The following COQ8B variants were observed in gnomAD, a reference collection of about 807,000 sequenced individuals.
COQ8B encodes coenzyme Q8B.
A neutral mutation model predicts 62.0 loss-of-function variants in COQ8B; 44 were observed. The observed-to-expected ratio is 0.71, with a 90% CI of 0.56 to 0.91. The LOEUF (loss-of-function observed/expected upper bound fraction) is 0.91. Ranked by LOEUF, COQ8B falls within the 40% of genes least tolerant of loss-of-function variation. COQ8B has a pLI of 0.00. For missense variants in COQ8B, 649 were observed against 731.6 expected (o/e 0.89, Z 1.30); for synonymous variants, 252 against 289.9 (o/e 0.87, Z 1.33).
chr19:40,713,956 T>C, intron 4 of COQ8B, 111 bp downstream of exon 4: 2 of 1,193,544 alleles, frequency 1.7e-6, no homozygotes, highest in Non-Finnish European at 2.4e-6. Flanking sequence ...GTCTCTCTTT[T>C]TTTGTCTCTC....
chr19:40,696,116 G>C, intron 12 of COQ8B, 62 bp from the exon 13 acceptor site: 3 of 1,561,184 alleles, frequency 1.9e-6, no homozygotes, highest in Middle Eastern at 1.8e-4. Flanking sequence ...CTGTCTATTG[G>C]GGCAGCCAGG....
At chr19:40,712,411 A>AG (rs1307858311) in intron 4 of COQ8B, among the ~76,000 whole-genome samples, 3,045 of 141,846 alleles carry the variant, frequency 0.021, 107 homozygotes, top group African/African-American at 0.079. Context: ...TGTCTCCCTA[A>AG]GAAAAAAAAA....
In COQ8B at chr19:40,705,447, T is replaced by A. The variant is rs1434033268; in HGVS notation, c.368A>T (p.Glu123Val). The A allele has an allele frequency of 2.6e-6, 4 of 1,551,476 alleles. No homozygotes were observed. Among genetic ancestry groups the A allele is most frequent in the South Asian group, 2.4e-5 (2 of 83,760 alleles). Residue 123 changes from glutamate (E) to valine (V), a missense_variant and splice_region_variant, in exon 6 of 15, where the codon GAG (glutamate) becomes GTG (valine). Physicochemically the swap from Glu to Val is moderately radical, Grantham distance 121. Coordinates refer to ENST00000324464, the MANE Select transcript of COQ8B (RefSeq NM_024876.4). ...KSMPGGRLQS[E>V]GGSGLDSSPF... is the part of the protein sequence containing the mutation. Reference sequence around the variant, plus strand: ...GCTGGAGTCCAGCCCAGAACCACCCTCTGGGGAGAGAACAACCATTAGAAT... The same window carrying A: ...GCTGGAGTCCAGCCCAGAACCACCCACTGGGGAGAGAACAACCATTAGAAT...
At chr19:40,699,554 G>A (rs554744746) in intron 12 of COQ8B, among the ~76,000 whole-genome samples, 4 of 152,320 alleles carry the variant, frequency 2.6e-5, no homozygotes, top group African/African-American at 9.6e-5. Flanking sequence ...CAAGAGGCAA[G>A]GGCAGGTGAT....
At chr19:40,694,120 CTGTG>C (rs892449283) in intron 13 of COQ8B, among the ~76,000 whole-genome samples, 10 of 152,280 alleles carry the variant, frequency 6.6e-5, no homozygotes, top group African/African-American at 2.4e-4. Flanking sequence ...CCCAAGGGGC[CTGTG>C]TGTAAGGGGT....
chr19:40,694,098 G>T (rs184234876), intron 13 of COQ8B, among the ~76,000 whole-genome samples: 4 of 152,160 alleles, frequency 2.6e-5, no homozygotes, highest in Admixed American at 2.0e-4. Context: ...CTCAGTGGCC[G>T]GCAGAGAGGG....
chr19:40,693,024 G>A lies in COQ8B; in HGVS notation c.1223C>T (p.Ala408Val). The A allele has an allele frequency of 6.2e-7, 1 of 1,613,852 alleles. No individual in the cohort carries two copies. The highest frequency in any genetic ancestry group is 8.5e-7 in the Non-Finnish European group (1 of 1,179,834). The change falls in exon 14 of 15, where the codon GCA (alanine) becomes GTA (valine). Residue 408 changes from alanine (A) to valine (V), a missense_variant. Ala to Val is a moderately conservative substitution (Grantham distance 64). Coordinates refer to ENST00000324464, the MANE Select transcript of COQ8B (RefSeq NM_024876.4). The stretch of plus-strand genomic sequence containing the variant: ...GACACAGTCTCTGTCTCCATCAGCT[G>A]CAGCCTTCACCACCTGGGGAGACGG... Reference protein sequence around the residue: ...TDHYIEVVKAAADGDRDCVLQ... With the variant: ...TDHYIEVVKAVADGDRDCVLQ...
In COQ8B at chr19:40,692,280, G is replaced by A. The variant is rs777874813; in HGVS notation, c.1390C>T (p.Arg464Cys). The A allele has an allele frequency of 8.1e-6, 13 of 1,613,568 alleles. No individual in the cohort carries two copies. The South Asian group carries it at 8.8e-5, about 11-fold the overall frequency. Residue 464 changes from arginine to cysteine, a missense_variant, in exon 15 of 15, where the codon CGC becomes TGC. Physicochemically the swap from Arg to Cys is radical, Grantham distance 180 (BLOSUM62 -3). Transcript: ENST00000324464. The stretch of plus-strand genomic sequence containing the variant: ...ACCGGGATGAGGTCCTGTATGCGGC[G>A]GGCCGTTTCCCCCGACCCAAAGTCA... Reference protein sequence around the residue: ...PYDFGSGETARRIQDLIPVLL... With the variant: ...PYDFGSGETACRIQDLIPVLL...
At chr19:40,709,143 A>T (rs139041647) in intron 5 of COQ8B, among the ~76,000 whole-genome samples, 43 of 152,322 alleles carry the variant, frequency 2.8e-4, no homozygotes, top group African/African-American at 9.4e-4. Context: ...GAATAAGGAT[A>T]TTCCCCTACA....
rs368678168 is a variant in COQ8B, at chr19:40,716,356, G to T, written c.-4+231C>A. ...CTAGGACAATAAATAATCCTACTGGGCTACAACTGACAGTGCCAGGCCCGG... is the reference window on the plus strand; with the variant it reads ...CTAGGACAATAAATAATCCTACTGGTCTACAACTGACAGTGCCAGGCCCGG... On this transcript the variant is annotated intron_variant, in intron 1 of 14. Transcript: ENST00000324464. Among the ~76,000 whole-genome samples the T allele has an allele frequency of 7.2e-5, 11 of 152,254 alleles. No homozygotes were observed. The East Asian group carries it at 1.2e-3, about 16-fold the overall frequency.
At chr19:40,692,448 G>T in intron 14 of COQ8B, 75 bp from the exon 15 acceptor site, 1 of 1,324,552 alleles carries the variant, frequency 7.5e-7, no homozygotes, top group Non-Finnish European at 1.0e-6. Context: ...CAGAAACAAC[G>T]TGTAGCCTCC....
chr19:40,704,038 GC>G, intron 7 of COQ8B, 183 bp from the exon 8 acceptor site: 1 of 715,674 alleles, frequency 1.4e-6, no homozygotes, highest in Non-Finnish European at 2.2e-6. Context: ...CAAGTGACTA[GC>G]CAGGCACTGG....
At chr19:40,692,842 G>A (rs1056238165) in intron 14 of COQ8B, 109 bp downstream of exon 14, 11 of 900,192 alleles carry the variant, frequency 1.2e-5, no homozygotes, top group Admixed American at 2.4e-5. Context: ...CCAGTCCCCG[G>A]GTATCGACAT....
chr19:40,696,013 T>C lies in COQ8B; in HGVS notation c.1185A>G (p.Thr395=). ...LDFGASREFG[T]EFTDHYIEVV... ...CCTCGATGTAATGGTCTGTGAACTC[T>C]GTCCCAAACTCCCGGCTTGCACCAA... Residue 395 remains threonine, a synonymous_variant, in exon 13 of 15, where the codon ACA becomes ACG. Coordinates refer to ENST00000324464, the MANE Select transcript of COQ8B (RefSeq NM_024876.4). 6.2e-7 allele frequency: 1 copy of C among 1,614,200 alleles called. No homozygotes were observed. Among genetic ancestry groups the C allele is most frequent in the Non-Finnish European group, 8.5e-7 (1 of 1,180,028 alleles).
Position 40,703,718 on chromosome 19 carries a change from G to C in COQ8B, c.714C>G (p.Ile238Met), listed in dbSNP as rs2082079635. ...CCTGCCCAGCCTCCCCTCTCACCTG[G>C]ATCTTCACGGCCACCTCCGTCCCGT... ...LRDGTEVAVK[I>M]QYPGIAQSIQ... The change falls in exon 8 of 15, where the codon ATC (isoleucine) becomes ATG (methionine). Residue 238 changes from isoleucine to methionine, a missense_variant. Ile to Met is a conservative substitution (Grantham distance 10, BLOSUM62 1). Coordinates refer to ENST00000324464, the MANE Select transcript of COQ8B (RefSeq NM_024876.4). The C allele has an allele frequency of 3.1e-6, 5 of 1,613,982 alleles. No homozygotes were observed. The highest frequency in any genetic ancestry group is 3.3e-5 in the Admixed American group (2 of 60,002).
intron 13 of COQ8B, among the ~76,000 whole-genome samples, chr19:40,694,776 T>A (rs570020132): frequency 6.6e-6 from 1 of 152,254 alleles, no homozygotes; most frequent in South Asian, 2.1e-4. Context: ...GCCCCCCTCA[T>A]CCCTCAGGTC....
chr19:40,715,252 T>G, intron 1 of COQ8B: 5 of 985,764 alleles, frequency 5.1e-6, no homozygotes, highest in Non-Finnish European at 6.0e-6. Flanking sequence ...AAGGTGGGCA[T>G]CGGGGGCCCA....
At chr19:40,698,326 C>T (rs1006615309) in intron 12 of COQ8B, among the ~76,000 whole-genome samples, 1 of 150,574 alleles carries the variant, frequency 6.6e-6, no homozygotes, top group Non-Finnish European at 1.5e-5. Context: ...ATCATGAGGT[C>T]AGGAGTTCAA....
At chr19:40,707,319 C>T (rs1224403062) in intron 5 of COQ8B, among the ~76,000 whole-genome samples, 2 of 151,774 alleles carry the variant, frequency 1.3e-5, no homozygotes, top group Non-Finnish European at 1.5e-5. Flanking sequence ...AGTCACTCTT[C>T]ATTTCCCCCA....
Sources: allele counts gnomAD v4.1 joint callset (sites outside exome capture counted in the v4.1 genomes callset), GRCh38; gene constraint gnomAD v4.1.1; transcripts MANE v1.5; gene names NCBI Gene and HGNC (gene_info 2026-07-23, HGNC 2026-07-21).